Variants in GABRG2 observed in about 807,000 individuals in gnomAD.
GABRG2 encodes the protein gamma-aminobutyric acid type A receptor subunit gamma2.
GABRG2 carries 16 observed loss-of-function variants against 56.4 expected under a neutral mutation model. The observed-to-expected ratio is 0.28, with a 90% CI of 0.19 to 0.43. The LOEUF is 0.43. Ranked by LOEUF, GABRG2 falls within the 20% of genes least tolerant of loss-of-function variation. The pLI, the probability that GABRG2 is intolerant of heterozygous loss-of-function variation, is 1.00. For missense variants in GABRG2, 327 were observed against 582.7 expected (o/e 0.56, Z 4.52); for synonymous variants, 208 against 205.5 (o/e 1.01, Z -0.10).
At chr5:162,106,895 A>T (rs1223995897) in intron 6 of GABRG2, among the ~76,000 whole-genome samples, 1 of 117,238 alleles carries the variant, frequency 8.5e-6, no homozygotes, top group Admixed American at 9.8e-5. Flanking sequence ...CAGGTTTGTT[A>T]TACAGGCAAA....
At position 162,078,952 on chromosome 5, in the gene GABRG2, A is replaced by C. The variant is rs549373714; in HGVS notation, c.107+10846A>C. On this transcript the variant is annotated intron_variant, in intron 1 of 9. Coordinates refer to ENST00000639213, the MANE Select transcript of GABRG2 (RefSeq NM_198904.4). ...CAGTCACATTGCATGTCACTTCATA[A>C]AAAAATCTTTTATATATTAATAATT... Among the ~76,000 whole-genome samples, 5 of 150,978 alleles carry C rather than the reference A, an allele frequency of 3.3e-5. No individual in the cohort carries two copies. In the South Asian group the frequency reaches 1.0e-3, roughly 31 times the overall value.
At chr5:162,130,169 C>G (rs1252038049) in intron 6 of GABRG2, among the ~76,000 whole-genome samples, 2 of 151,758 alleles carry the variant, frequency 1.3e-5, no homozygotes, top group Non-Finnish European at 2.9e-5. Flanking sequence ...TTGAATTTCA[C>G]AAAATGAAAA....
At position 162,113,254 on chromosome 5, in the gene GABRG2, A is replaced by G. The variant is rs549881659; in HGVS notation, c.769+9228A>G. On this transcript the variant is annotated intron_variant, in intron 6 of 9. Transcript: ENST00000639213. The stretch of plus-strand genomic sequence containing the variant: ...CATGCCCAGCCTGGTTTGTTTTTGT[A>G]TAAGGGTATCTCTGCTGTTCAAGAA... Among the ~76,000 whole-genome samples, 5 of 152,146 alleles carry G rather than the reference A, an allele frequency of 3.3e-5. No homozygotes were observed. In the South Asian group the frequency reaches 8.3e-4, roughly 25 times the overall value.
At chr5:162,074,689 A>G (rs975206661) in intron 1 of GABRG2, among the ~76,000 whole-genome samples, 5 of 152,088 alleles carry the variant, frequency 3.3e-5, no homozygotes, top group African/African-American at 9.7e-5. Context: ...CACTTGAGAT[A>G]CATAATTGAG....
intron 6 of GABRG2, among the ~76,000 whole-genome samples, chr5:162,105,599 T>A (rs1401829615): frequency 1.3e-5 from 2 of 151,442 alleles, no homozygotes; most frequent in East Asian, 1.9e-4. Flanking sequence ...CTGGCTAATT[T>A]TTTGTATTTT....
At chr5:162,096,339 G>T (rs1333675552) in intron 3 of GABRG2, among the ~76,000 whole-genome samples, 1 of 152,000 alleles carries the variant, frequency 6.6e-6, no homozygotes, top group African/African-American at 2.4e-5. Flanking sequence ...AGAAGTAGAG[G>T]CTATATAGAT....
rs796052504 is a variant in GABRG2 at position 162,097,716 on chromosome 5, C to T, written c.406C>T (p.Arg136Ter). 2 of 1,613,780 alleles carry T rather than the reference C, an allele frequency of 1.2e-6. No homozygotes were observed. The highest frequency in any genetic ancestry group is 1.7e-5 in the Admixed American group (1 of 59,944). Residue 136 changes from arginine (R) to a stop codon, truncating the protein, a stop_gained, in exon 4 of 10, where the codon CGA becomes TGA. Coordinates refer to ENST00000639213, the MANE Select transcript of GABRG2 (RefSeq NM_198904.4). LOFTEE classifies it high-confidence loss of function. Reference sequence around the variant, plus strand: ...ATTTAACAGCACCATTAAAGTCCTCCGATTGAACAGCAACATGGTGGGGAA... The same window carrying T: ...ATTTAACAGCACCATTAAAGTCCTCTGATTGAACAGCAACATGGTGGGGAA... Reference protein sequence around the residue: ...LKFNSTIKVLRLNSNMVGKIW... With the variant: ...LKFNSTIKVL
chr5:162,142,425 T>C (rs1170910377), intron 7 of GABRG2, 109 bp downstream of exon 7: 1 of 1,108,188 alleles, frequency 9.0e-7, no homozygotes, highest in Non-Finnish European at 1.4e-6. Context: ...TGCAATTGCA[T>C]AGAAATACCA....
chr5:162,101,223 C>T lies in GABRG2; in HGVS notation c.549-12C>T. On this transcript the variant is annotated splice_polypyrimidine_tract_variant and intron_variant, in intron 4 of 9. Transcript: ENST00000639213. ...CTAAAATCCATCTTATGTTTAATATCTTTCTACTTAGGTTGACAATTGATG... is the reference window on the plus strand; with the variant it reads ...CTAAAATCCATCTTATGTTTAATATTTTTCTACTTAGGTTGACAATTGATG... 4 of 1,556,180 alleles carry T rather than the reference C, an allele frequency of 2.6e-6. No homozygotes were observed. The highest frequency in any genetic ancestry group is 3.5e-6 in the Non-Finnish European group (4 of 1,128,472).
chr5:162,112,285 G>C (rs1314940167), intron 6 of GABRG2, among the ~76,000 whole-genome samples: 2 of 151,504 alleles, frequency 1.3e-5, no homozygotes, highest in East Asian at 1.9e-4. Flanking sequence ...CCAAGTTGTT[G>C]GTATTTTCTA....
intron 6 of GABRG2, among the ~76,000 whole-genome samples, chr5:162,130,537 A>G (rs1763664700): frequency 6.6e-6 from 1 of 151,994 alleles, no homozygotes; most frequent in Admixed American, 6.6e-5. Context: ...ACCCAGGCTC[A>G]TCAAAAGGGT....
chr5:162,133,963 G>A (rs921111366), intron 6 of GABRG2, among the ~76,000 whole-genome samples: 3 of 152,106 alleles, frequency 2.0e-5, no homozygotes, highest in Non-Finnish European at 2.9e-5. Flanking sequence ...AAGCTAATAC[G>A]TGCATTATAT....
chr5:162,124,836 T>A (rs1234391366), intron 6 of GABRG2, among the ~76,000 whole-genome samples: 1 of 151,802 alleles, frequency 6.6e-6, no homozygotes, highest in African/African-American at 2.4e-5. Flanking sequence ...AGAATTGAAA[T>A]ACGCTTCTGC....
chr5:162,104,572 C>G (rs1467753772), intron 6 of GABRG2, among the ~76,000 whole-genome samples: 2 of 151,992 alleles, frequency 1.3e-5, no homozygotes, highest in African/African-American at 2.4e-5. Context: ...TCTCTGAGAT[C>G]AGCTTTTCCA....
intron 1 of GABRG2, among the ~76,000 whole-genome samples, chr5:162,076,929 C>G (rs1276935835): frequency 1.3e-5 from 2 of 152,116 alleles, no homozygotes; most frequent in African/African-American, 4.8e-5. Flanking sequence ...TTGCTACCTT[C>G]CAATTCACTC....
rs1765514142 is a variant in GABRG2 at position 162,153,399 on chromosome 5, A to C, written c.*31A>C. ...TATGGGTTTTACTGATATGGTTCTTATTCACTGAGTCTCATGGAGAGATGT... is the reference window on the plus strand; with the variant it reads ...TATGGGTTTTACTGATATGGTTCTTCTTCACTGAGTCTCATGGAGAGATGT... On this transcript the variant is annotated 3_prime_UTR_variant, in exon 10 of 10. Coordinates refer to ENST00000639213, the MANE Select transcript of GABRG2 (RefSeq NM_198904.4). The C allele has an allele frequency of 6.2e-7, 1 of 1,609,732 alleles. No individual in the cohort carries two copies. The highest frequency in any genetic ancestry group is 2.2e-5 in the East Asian group (1 of 44,844).
chr5:162,091,052 G>A (rs945064794), intron 1 of GABRG2, among the ~76,000 whole-genome samples: 20 of 152,238 alleles, frequency 1.3e-4, no homozygotes, highest in African/African-American at 4.8e-4. Flanking sequence ...CCCAGGTTAT[G>A]CATCAGCTCC....
intron 6 of GABRG2, among the ~76,000 whole-genome samples, chr5:162,124,044 G>C (rs1398254411): frequency 6.6e-6 from 1 of 151,846 alleles, no homozygotes; most frequent in East Asian, 1.9e-4. Context: ...GCTCAGTAGA[G>C]GGCCTGAGAG....
At position 162,151,819 on chromosome 5, in the gene GABRG2, TG is replaced by T. The variant is rs1047798082; in HGVS notation, c.1152+68del. ...CTAAATTTAACTATTAATGCTTACA[TG>T]GTGTTTTATTTTGTTTTATGAGTAG... On this transcript the variant is annotated intron_variant, in intron 9 of 9. Transcript: ENST00000639213. The T allele has an allele frequency of 2.9e-6, 4 of 1,381,578 alleles. No homozygotes were observed. In the African/African-American group the frequency reaches 5.7e-5, roughly 20 times the overall value. The allele number at this position is 1,381,578 out of a possible 1,614,324, so 85.6% of individuals were successfully genotyped here. A position where few individuals can be genotyped will look rare whatever the true frequency, so the allele number is the denominator to read the frequency against.
Sources: allele counts gnomAD v4.1 joint callset (sites outside exome capture counted in the v4.1 genomes callset), GRCh38; gene constraint gnomAD v4.1.1; transcripts MANE v1.5; gene names NCBI Gene and HGNC (gene_info 2026-07-23, HGNC 2026-07-21).